The following PRH1 variants were observed in gnomAD, a reference collection of about 807,000 sequenced individuals.
The protein encoded by PRH1 is proline rich protein HaeIII subfamily 1.
In PRH1, 7 loss-of-function variants were observed where a neutral mutation model predicts 7.9. The ratio of observed to expected loss-of-function variants is 0.89; its 90% CI spans 0.50 to 1.67. PRH1 has a LOEUF of 1.67. PRH1 is among the 40% of genes most tolerant of loss of function. PRH1 has a pLI of 0.00. For missense variants in PRH1, 109 were observed against 223.6 expected (o/e 0.49, Z 3.27); for synonymous variants, 45 against 80.8 (o/e 0.56, Z 2.38).
chr12:10,924,048 T>A (rs1475897832), intron 2 of PRH1, among the ~76,000 whole-genome samples: 1 of 124,514 alleles, frequency 8.0e-6, no homozygotes. Flanking sequence ...CAGGCTGGAG[T>A]GCGATCTCAG....
intron 1 of PRH1, among the ~76,000 whole-genome samples, chr12:11,027,589 T>A (rs189546508): frequency 1.8e-4 from 28 of 152,370 alleles, no homozygotes; most frequent in African/African-American, 3.6e-4. Flanking sequence ...TTGAGAATAT[T>A]GCTCTGACTC....
Position 11,030,872 on chromosome 12 carries a change from G to C in PRH1, c.-126+16148C>G, listed in dbSNP as rs371495294. ...AGTCAAGTTTCCTTCATATTCTTTTGTCCGTACAATCTCTTTCATGTTTAT... is the reference window on the plus strand; with the variant it reads ...AGTCAAGTTTCCTTCATATTCTTTTCTCCGTACAATCTCTTTCATGTTTAT... On this transcript the variant is annotated intron_variant, in intron 1 of 3. Coordinates refer to the PRH1 transcript ENST00000539853. 1.9e-6 allele frequency: 3 copies of C among 1,613,992 alleles called. No individual in the cohort carries two copies. In the African/African-American group the frequency reaches 4.0e-5, roughly 22 times the overall value.
intron 1 of PRH1, among the ~76,000 whole-genome samples, chr12:11,023,546 A>G (rs1390700959): frequency 6.6e-6 from 1 of 152,198 alleles, no homozygotes; most frequent in African/African-American, 2.4e-5. Context: ...AGGCAGGGTG[A>G]CTACCTTGAC....
At chr12:11,110,010 C>T (rs1016237230) in intron 1 of PRH1, among the ~76,000 whole-genome samples, 7 of 151,950 alleles carry the variant, frequency 4.6e-5, no homozygotes, top group African/African-American at 1.7e-4. Flanking sequence ...AGCATGAGAA[C>T]TTTGTGAAGC....
At chr12:10,930,242 T>C (rs1302845982) in intron 2 of PRH1, 2 of 1,611,116 alleles carry the variant, frequency 1.2e-6, no homozygotes, top group Non-Finnish European at 8.5e-7. Flanking sequence ...CAGTAACTTT[T>C]CCCATCATCC....
intron 1 of PRH1, among the ~76,000 whole-genome samples, chr12:11,112,001 A>G (rs578207203): frequency 6.6e-6 from 1 of 152,336 alleles, no homozygotes; most frequent in South Asian, 2.1e-4. Flanking sequence ...AATACAAACT[A>G]TCATCAGAGA....
At chr12:11,054,995 C>A (rs1943305888) in intron 1 of PRH1, among the ~76,000 whole-genome samples, 1 of 29,616 alleles carries the variant, frequency 3.4e-5, no homozygotes, top group African/African-American at 1.1e-4. Context: ...TCATGCCATT[C>A]TCTTGCCTCA....
chr12:11,047,590 C>G (rs377021011), upstream of PRH1, among the ~76,000 whole-genome samples: 3 of 119,380 alleles, frequency 2.5e-5, no homozygotes, highest in South Asian at 9.2e-4. Context: ...AAAATTATAA[C>G]AGCACTGAAA....
intron 2 of PRH1, among the ~76,000 whole-genome samples, chr12:10,948,979 C>A (rs1175942134): frequency 6.6e-6 from 1 of 152,088 alleles, no homozygotes; most frequent in East Asian, 1.9e-4. Flanking sequence ...TATATGTTTC[C>A]CCTATGTTTC....
chr12:10,913,726 T>C lies in PRH1; in HGVS notation c.-58-29451A>G, dbSNP rs565097523. Among the ~76,000 whole-genome samples, 270 of 152,316 alleles carry C rather than the reference T, an allele frequency of 1.8e-3. 1 individual carries two copies. Among genetic ancestry groups the C allele is most frequent in the African/African-American group, 6.2e-3 (257 of 41,582 alleles). The stretch of plus-strand genomic sequence containing the variant: ...TTATGTAAATTTTTGGTCAATAAAA[T>C]ATTGTGGAAATGACATGTTGCTTCA... On this transcript the variant is annotated intron_variant, in intron 2 of 3. Coordinates refer to the PRH1 transcript ENST00000539853.
At chr12:11,127,603 T>C (rs1946178323) in intron 1 of PRH1, among the ~76,000 whole-genome samples, 1 of 148,796 alleles carries the variant, frequency 6.7e-6, no homozygotes, top group Non-Finnish European at 1.5e-5. Flanking sequence ...AACAAGCTCA[T>C]TAACACAAAC....
At position 11,162,992 on chromosome 12, in the gene PRH1, T is replaced by C. The variant is rs1409136161; in HGVS notation, n.39+8430A>G. ...TATAGTACTATGAAGTGATACCTAA[T>C]TATTAAATTATTTTAAAAGGAAAAA... On this transcript the variant is annotated intron_variant and non_coding_transcript_variant, in intron 1 of 1. Coordinates refer to the PRH1 transcript ENST00000541175. 5.3e-5 allele frequency among the ~76,000 whole-genome samples: 8 copies of C among 152,310 alleles called. 1 individual carries two copies. The highest frequency in any genetic ancestry group is 4.6e-4 in the Admixed American group (7 of 15,304).
chr12:11,066,636 T>C (rs1318961846), intron 1 of PRH1, among the ~76,000 whole-genome samples: 2 of 73,718 alleles, frequency 2.7e-5, no homozygotes, highest in Non-Finnish European at 7.5e-5. Flanking sequence ...ATGAGATAGA[T>C]GTATATATAG....
intron 1 of PRH1, among the ~76,000 whole-genome samples, chr12:11,157,430 TATG>T (rs1947287258): frequency 6.6e-6 from 1 of 152,214 alleles, no homozygotes; most frequent in Admixed American, 6.5e-5. Context: ...ATCAAGAGAG[TATG>T]ATATTGAAGA....
rs117991074 is a variant in PRH1 at position 11,151,227 on chromosome 12, C to T, written n.39+20195G>A. Among the ~76,000 whole-genome samples, 203 of 151,880 alleles carry T rather than the reference C, an allele frequency of 1.3e-3. 4 individuals are homozygous for T. In the East Asian group the frequency reaches 0.034, roughly 25 times the overall value. Reference sequence around the variant, plus strand: ...CTGTCAACATCCACACAAATGCACACGAAGTTGCAGGCTGCTGGCCAAAAA... The same window carrying T: ...CTGTCAACATCCACACAAATGCACATGAAGTTGCAGGCTGCTGGCCAAAAA... On this transcript the variant is annotated intron_variant and non_coding_transcript_variant, in intron 1 of 1. Coordinates refer to the PRH1 transcript ENST00000541175.
chr12:10,974,676 C>G (rs529562211), intron 1 of PRH1, among the ~76,000 whole-genome samples: 7 of 152,268 alleles, frequency 4.6e-5, no homozygotes, highest in African/African-American at 1.7e-4. Flanking sequence ...CAAGGAACAT[C>G]AGCCCACACA....
chr12:11,034,520 GACATTATTATTTTC>G (rs1406621023), intron 1 of PRH1, among the ~76,000 whole-genome samples: 3 of 58,792 alleles, frequency 5.1e-5, no homozygotes, highest in Non-Finnish European at 1.2e-4. Context: ...ACCCCAACAA[GACATTATTATTTTC>G]TAAACATTCA....
At chr12:11,018,946 A>G (rs373128632) in intron 1 of PRH1, among the ~76,000 whole-genome samples, 2,063 of 151,270 alleles carry the variant, frequency 0.014, no homozygotes, top group South Asian at 0.027. Flanking sequence ...TGCATGTCTA[A>G]AAAGTTAAGT....
intron 2 of PRH1, among the ~76,000 whole-genome samples, chr12:10,926,690 T>C (rs1172555843): frequency 6.6e-6 from 1 of 152,138 alleles, no homozygotes; most frequent in Non-Finnish European, 1.5e-5. Flanking sequence ...GTAAAGATCA[T>C]GCAAGTGGAC....
Sources: gnomAD v4.1 joint callset for allele counts (sites outside exome capture counted in the v4.1 genomes callset) on GRCh38, gnomAD v4.1.1 for gene constraint, MANE v1.5 for transcripts, NCBI Gene and HGNC (gene_info 2026-07-23, HGNC 2026-07-21) for gene names.